RHOT1: variants seen among roughly 807,000 people sequenced by gnomAD.
The protein encoded by RHOT1 is mitochondrial Rho GTPase 1.
A neutral mutation model predicts 95.3 loss-of-function variants in RHOT1; 27 were observed. That is an observed-to-expected ratio of 0.28 (90% CI 0.21 to 0.39). The LOEUF is 0.39. Among genes scored for constraint, RHOT1 ranks in the 10% least tolerant of loss-of-function variants. The probability of loss-of-function intolerance (pLI) is 1.00; values close to 1 mark genes in which losing one functional copy is unlikely to be tolerated. For synonymous variants in RHOT1, 227 were observed against 263.5 expected (o/e 0.86, Z 1.34); for missense variants, 578 against 786.7 (o/e 0.73, Z 3.17).
At chr17:32,205,060 C>A (rs546410857) in intron 16 of RHOT1, among the ~76,000 whole-genome samples, 1 of 147,606 alleles carries the variant, frequency 6.8e-6, no homozygotes, top group African/African-American at 2.5e-5. Flanking sequence ...TTAAATTTTA[C>A]TTTAAGTTCT....
chr17:32,170,372 G>A (rs919574544), intron 1 of RHOT1, among the ~76,000 whole-genome samples: 8 of 151,834 alleles, frequency 5.3e-5, no homozygotes, highest in East Asian at 3.9e-4. Flanking sequence ...CCAAGATTGC[G>A]CCACTGCACT....
chr17:32,182,656 TTAAA>T (rs2035733413), intron 6 of RHOT1, 97 bp from the exon 7 acceptor site: 3 of 727,284 alleles, frequency 4.1e-6, no homozygotes, highest in Non-Finnish European at 4.5e-6. Context: ...GTTGAGAAGA[TTAAA>T]TAAAAGCTTT....
intron 19 of RHOT1, among the ~76,000 whole-genome samples, chr17:32,212,592 C>T (rs1405482248): frequency 6.6e-6 from 1 of 152,188 alleles, no homozygotes; most frequent in Non-Finnish European, 1.5e-5. Context: ...AGAATGCCTT[C>T]CTGCAAGCCT....
intron 6 of RHOT1, among the ~76,000 whole-genome samples, chr17:32,178,154 C>T (rs2035174425): frequency 6.6e-6 from 1 of 151,884 alleles, no homozygotes; most frequent in Non-Finnish European, 1.5e-5. Context: ...CCAGCTAGGC[C>T]ACTCCCAAAT....
At chr17:32,197,970 C>A (rs1338714411) in intron 11 of RHOT1, among the ~76,000 whole-genome samples, 2 of 152,206 alleles carry the variant, frequency 1.3e-5, no homozygotes, top group African/African-American at 4.8e-5. Context: ...ACACGGCTCA[C>A]TGCATCCTTA....
At chr17:32,223,062 A>G (rs1004579276) in intron 19 of RHOT1, among the ~76,000 whole-genome samples, 2 of 152,098 alleles carry the variant, frequency 1.3e-5, no homozygotes, top group African/African-American at 4.8e-5. Flanking sequence ...GTAAGAAATA[A>G]TTATGTGAGG....
chr17:32,202,991 T>C, intron 15 of RHOT1, 91 bp downstream of exon 15: 2 of 1,307,590 alleles, frequency 1.5e-6, no homozygotes, highest in South Asian at 1.3e-5. Context: ...CCTTTTTAGA[T>C]AATTATTAGA....
chr17:32,144,415 G>A (rs1056932663), intron 1 of RHOT1, among the ~76,000 whole-genome samples: 3 of 152,130 alleles, frequency 2.0e-5, no homozygotes, highest in Non-Finnish European at 4.4e-5. Flanking sequence ...GGGTGTGGTG[G>A]CACACACCTG....
chr17:32,220,711 CT>C (rs1300056215), intron 19 of RHOT1, among the ~76,000 whole-genome samples: 15 of 150,292 alleles, frequency 1.0e-4, no homozygotes, highest in African/African-American at 3.0e-4. Context: ...TGGTGCACGC[CT>C]GTAATCCCAG....
chr17:32,205,711 G>A lies in RHOT1; in HGVS notation c.1417-1199G>A, dbSNP rs1160299327. ...TCCCAGCACTTTGGGAGGCCGAGGCGGGTGGATCACCCTAGCCTGACCAAC... is the reference window on the plus strand; with the variant it reads ...TCCCAGCACTTTGGGAGGCCGAGGCAGGTGGATCACCCTAGCCTGACCAAC... On this transcript the variant is annotated intron_variant, in intron 16 of 19. Coordinates refer to ENST00000545287, the MANE Select transcript of RHOT1 (RefSeq NM_001033566.3). 3.3e-5 allele frequency among the ~76,000 whole-genome samples: 5 copies of A among 152,136 alleles called. No homozygotes were observed. The East Asian group carries it at 7.7e-4, about 24-fold the overall frequency.
chr17:32,223,500 C>T (rs1449961098), intron 19 of RHOT1, among the ~76,000 whole-genome samples: 1 of 151,586 alleles, frequency 6.6e-6, no homozygotes, highest in Non-Finnish European at 1.5e-5. Context: ...CTGCAAACTC[C>T]GTCTTCTAGG....
At chr17:32,145,855 A>C (rs2031243437) in intron 1 of RHOT1, among the ~76,000 whole-genome samples, 2 of 152,062 alleles carry the variant, frequency 1.3e-5, no homozygotes, top group Non-Finnish European at 2.9e-5. Flanking sequence ...TCTCTACAAA[A>C]AATACAAAAA....
At chr17:32,182,325 AT>A (rs200460105) in intron 6 of RHOT1, among the ~76,000 whole-genome samples, 4 of 146,224 alleles carry the variant, frequency 2.7e-5, no homozygotes, top group Non-Finnish European at 6.1e-5. Flanking sequence ...AAAAAAAAAA[AT>A]TTTTTTTTAA....
At chr17:32,207,057 A>T in intron 17 of RHOT1, 28 bp downstream of exon 17, 1 of 1,575,170 alleles carries the variant, frequency 6.3e-7, no homozygotes, top group Non-Finnish European at 8.6e-7. Context: ...ACTATGACTG[A>T]ATGTAACTTC....
chr17:32,152,114 A>G (rs1298202462), intron 1 of RHOT1, among the ~76,000 whole-genome samples: 3 of 152,186 alleles, frequency 2.0e-5, no homozygotes, highest in African/African-American at 7.2e-5. Flanking sequence ...AATAACTTAA[A>G]CAGAATTGCC....
chr17:32,202,494 A>G (rs891494614), intron 14 of RHOT1, among the ~76,000 whole-genome samples: 1 of 152,170 alleles, frequency 6.6e-6, no homozygotes, highest in African/African-American at 2.4e-5. Flanking sequence ...CCTTATGAAA[A>G]TATACTATTT....
chr17:32,192,481 G>A (rs1032176285), intron 9 of RHOT1, among the ~76,000 whole-genome samples, 182 bp downstream of exon 9: 7 of 151,824 alleles, frequency 4.6e-5, no homozygotes, highest in Non-Finnish European at 1.5e-5. Flanking sequence ...CTCAGGAATT[G>A]AGGGGATTCT....
intron 1 of RHOT1, among the ~76,000 whole-genome samples, chr17:32,162,042 C>T (rs751859284): frequency 5.3e-5 from 8 of 152,100 alleles, no homozygotes; most frequent in South Asian, 4.1e-4. Context: ...CTTTGATGTT[C>T]GGAGTTTTTA....
chr17:32,211,167 C>G lies in RHOT1; in HGVS notation c.1791C>G (p.Ile597Met). The G allele has an allele frequency of 1.2e-6, 2 of 1,612,416 alleles. No homozygotes were observed. The highest frequency in any genetic ancestry group is 8.5e-7 in the Non-Finnish European group (1 of 1,178,756). Reference protein sequence around the residue: ...MCTCNRCTFCICQNFLNSDLL... With the variant: ...MCTCNRCTFCMCQNFLNSDLL... ...CCTGCAACAGGTGTACATTTTGCAT[C>G]TGTCAGAACTTCCTCAACTCAGACT... Residue 597 changes from isoleucine to methionine, a missense_variant, in exon 19 of 20, where the codon ATC (isoleucine) becomes ATG (methionine). By Grantham distance (10) the Ile-to-Met change is conservative (BLOSUM62 1). Around this residue, in one of 4 missense-constraint regions of RHOT1, gnomAD observed 296 missense variants for 338.5 expected, o/e 0.87. Transcript: ENST00000545287.
Sources: gnomAD v4.1 joint callset for allele counts (sites outside exome capture counted in the v4.1 genomes callset) on GRCh38, gnomAD v4.1.1 for gene constraint, gnomAD v4.1.1 regional missense constraint, MANE v1.5 for transcripts, NCBI Gene and HGNC (gene_info 2026-07-23, HGNC 2026-07-21) for gene names.